YEATS2: variants seen among roughly 807,000 people sequenced by gnomAD.
The protein encoded by YEATS2 is YEATS domain containing 2.
A neutral mutation model predicts 163.2 loss-of-function variants in YEATS2; 77 were observed. The ratio of observed to expected loss-of-function variants is 0.47; its 90% CI spans 0.39 to 0.57. YEATS2 has a LOEUF of 0.57. YEATS2 is among the 20% of genes least tolerant of loss of function. The pLI, the probability that YEATS2 is intolerant of heterozygous loss-of-function variation, is 0.00. For synonymous variants in YEATS2, 631 were observed against 645.1 expected, an observed-to-expected ratio of 0.98 and a Z score of 0.33; for missense variants, 1,549 against 1,729.8, an observed-to-expected ratio of 0.90 and a Z score of 1.85.
chr3:183,764,109 C>T (rs1476501419), intron 15 of YEATS2, among the ~76,000 whole-genome samples: 2 of 152,010 alleles, frequency 1.3e-5, no homozygotes, highest in East Asian at 1.9e-4. Context: ...CGGTGGCTCA[C>T]GCCCGTAATC....
At chr3:183,754,423 G>A in intron 11 of YEATS2, 58 bp downstream of exon 11, 1 of 1,535,764 alleles carries the variant, frequency 6.5e-7, no homozygotes, top group Non-Finnish European at 8.8e-7. Context: ...AAAATTGTTG[G>A]AACAACAAAA....
intron 11 of YEATS2, among the ~76,000 whole-genome samples, chr3:183,755,829 C>T (rs112220720): frequency 6.9e-6 from 1 of 145,264 alleles, no homozygotes; most frequent in African/African-American, 2.6e-5. Flanking sequence ...TCTCGGCTCA[C>T]TCCGCCACCC....
At chr3:183,698,309 C>G (rs1302130255) in intron 1 of YEATS2, among the ~76,000 whole-genome samples, 1 of 152,194 alleles carries the variant, frequency 6.6e-6, no homozygotes, top group Non-Finnish European at 1.5e-5. Context: ...AGCTCTTGGC[C>G]TTGGAGGCAA....
At chr3:183,786,028 C>T in intron 19 of YEATS2, 97 bp from the exon 20 acceptor site, 2 of 1,386,722 alleles carry the variant, frequency 1.4e-6, no homozygotes, top group South Asian at 1.4e-5. Flanking sequence ...CTTGGTTATT[C>T]TCCAAGTCAT....
chr3:183,736,053 CAT>C (rs1233949374), intron 7 of YEATS2, among the ~76,000 whole-genome samples: 1 of 152,156 alleles, frequency 6.6e-6, no homozygotes, highest in Non-Finnish European at 1.5e-5. Context: ...AATGAACCCT[CAT>C]GTGCCCATCA....
intron 1 of YEATS2, among the ~76,000 whole-genome samples, chr3:183,703,935 C>T (rs1714364203): frequency 6.6e-6 from 1 of 151,428 alleles, no homozygotes; most frequent in Non-Finnish European, 1.5e-5. Flanking sequence ...CTGAGGCAGG[C>T]GGATCACCTG....
At chr3:183,747,380 A>G (rs1719657695) in intron 8 of YEATS2, among the ~76,000 whole-genome samples, 2 of 152,142 alleles carry the variant, frequency 1.3e-5, no homozygotes, top group South Asian at 4.1e-4. Context: ...GGTTATAGAT[A>G]ATGCTGCAGT....
chr3:183,800,462 G>A lies in YEATS2; in HGVS notation c.3326-4G>A, dbSNP rs916223017. The A allele has an allele frequency of 4.4e-6, 7 of 1,609,020 alleles. No individual in the cohort carries two copies. The highest frequency in any genetic ancestry group is 4.0e-5 in the African/African-American group (3 of 74,932). ...GCTGCCTCTTTGTTGCTCTTCCCTT[G>A]TAGTGAAGACTGAACCAGAAACACC... On this transcript the variant is annotated splice_region_variant and splice_polypyrimidine_tract_variant and intron_variant, in intron 23 of 30. Coordinates refer to ENST00000305135, the MANE Select transcript of YEATS2 (RefSeq NM_018023.5).
chr3:183,800,687 C>G, intron 24 of YEATS2, 119 bp downstream of exon 24: 1 of 765,632 alleles, frequency 1.3e-6, no homozygotes, highest in Non-Finnish European at 2.2e-6. Flanking sequence ...GAGGAACTGT[C>G]TGTCCCCGTG....
At position 183,800,429 on chromosome 3, in the gene YEATS2, C is replaced by T. The variant is rs1414832227; in HGVS notation, c.3326-37C>T. 2.0e-6 allele frequency: 3 copies of T among 1,517,160 alleles called. No individual in the cohort carries two copies. The East Asian group carries it at 6.8e-5, about 34-fold the overall frequency. 94.0% of individuals were successfully genotyped at this position (1,517,160 alleles called of 1,614,324 possible). On this transcript the variant is annotated intron_variant, in intron 23 of 30. Coordinates refer to ENST00000305135, the MANE Select transcript of YEATS2 (RefSeq NM_018023.5). ...CTGCACGTGTCCTTCCACCACTGAC[C>T]CCTAACAGCTGCCTCTTTGTTGCTC...
At chr3:183,715,406 A>G in intron 2 of YEATS2, 144 bp downstream of exon 2, 1 of 628,908 alleles carries the variant, frequency 1.6e-6, no homozygotes, top group Non-Finnish European at 2.8e-6. Context: ...GGATCTGTTT[A>G]ATAGTAATAC....
At chr3:183,723,194 AAC>A (rs1716718924) in intron 5 of YEATS2, among the ~76,000 whole-genome samples, 1 of 152,236 alleles carries the variant, frequency 6.6e-6, no homozygotes, top group Admixed American at 6.5e-5. Flanking sequence ...TTGACAAATA[AAC>A]AGAATTGAAA....
At chr3:183,810,331 G>T in intron 30 of YEATS2, 144 bp from the exon 31 acceptor site, 1 of 661,316 alleles carries the variant, frequency 1.5e-6, no homozygotes, top group Non-Finnish European at 2.7e-6. Flanking sequence ...TCACCCCAGA[G>T]TGGCCCTAAG....
At chr3:183,745,240 C>T (rs1328313120) in intron 8 of YEATS2, among the ~76,000 whole-genome samples, 1 of 152,246 alleles carries the variant, frequency 6.6e-6, no homozygotes, top group East Asian at 1.9e-4. Context: ...TCCTACACAA[C>T]AGTATCTGAT....
Position 183,771,205 on chromosome 3 carries a change from T to C in YEATS2, c.1948-1100T>C, listed in dbSNP as rs115586953. Among the ~76,000 whole-genome samples, 1,389 of 152,266 alleles carry C rather than the reference T, an allele frequency of 9.1e-3. 14 individuals carry two copies. Among genetic ancestry groups the C allele is most frequent in the Middle Eastern group, 0.048 (14 of 294 alleles). ...TAACTTCTTGGTTTTAAACTCTTTT[T>C]CCCCCAATCTGATGGGTGAACAGCA... On this transcript the variant is annotated intron_variant, in intron 15 of 30. Transcript: ENST00000305135.
At chr3:183,763,892 A>G (rs1338043774) in intron 15 of YEATS2, among the ~76,000 whole-genome samples, 1 of 151,766 alleles carries the variant, frequency 6.6e-6, no homozygotes, top group Admixed American at 6.6e-5. Flanking sequence ...ACGTGGTGAA[A>G]CCCCATCTCT....
At chr3:183,805,218 TAGC>T (rs1726063814) in intron 27 of YEATS2, among the ~76,000 whole-genome samples, 1 of 151,434 alleles carries the variant, frequency 6.6e-6, no homozygotes, top group African/African-American at 2.4e-5. Flanking sequence ...CAGGGCAACA[TAGC>T]AGGACCTTGT....
At chr3:183,716,173 A>G (rs1412868366) in intron 2 of YEATS2, among the ~76,000 whole-genome samples, 7 of 152,008 alleles carry the variant, frequency 4.6e-5, no homozygotes. Flanking sequence ...GTTAGCCAGG[A>G]TGGTCTCCAT....
chr3:183,705,180 G>C (rs1042697868), intron 1 of YEATS2, among the ~76,000 whole-genome samples: 10 of 152,154 alleles, frequency 6.6e-5, no homozygotes, highest in Admixed American at 3.3e-4. Context: ...TGCCCAAGTA[G>C]CTGGGAGTAC....
Sources: gnomAD v4.1 joint callset for allele counts (sites outside exome capture counted in the v4.1 genomes callset) on GRCh38, gnomAD v4.1.1 for gene constraint, MANE v1.5 for transcripts, NCBI Gene and HGNC (gene_info 2026-07-23, HGNC 2026-07-21) for gene names.